The following MOB1B variants were observed in gnomAD, a reference collection of about 807,000 sequenced individuals.
MOB1B encodes MOB kinase activator 1B, also known as MOB1 Mps One Binder homolog B.
MOB1B carries 19 observed loss-of-function variants against 24.4 expected under a neutral mutation model. That is an observed-to-expected ratio of 0.78 (90% CI 0.54 to 1.14). The LOEUF (loss-of-function observed/expected upper bound fraction) is 1.14. Ranked by LOEUF, MOB1B falls within the 50% of genes most tolerant of loss-of-function variation. The pLI is 0.00. For missense variants in MOB1B, 243 were observed against 259.6 expected, an observed-to-expected ratio of 0.94 and a Z score of 0.44; for synonymous variants, 76 against 82.1, an observed-to-expected ratio of 0.93 and a Z score of 0.40.
chr4:70,964,687 T>G (rs1184981550), intron 2 of MOB1B, among the ~76,000 whole-genome samples: 3 of 152,176 alleles, frequency 2.0e-5, no homozygotes, highest in Non-Finnish European at 4.4e-5. Flanking sequence ...CCCAGCACTT[T>G]GGGAGGCCAA....
chr4:70,976,774 ATC>A (rs71604569), intron 4 of MOB1B: 3,502 of 186,674 alleles, frequency 0.019, 137 homozygotes, highest in African/African-American at 0.061. Context: ...ATATATATAT[ATC>A]TCTCTCTCTC....
rs188793428 is a variant in MOB1B, at chr4:70,954,978, G to A, written c.15-3896G>A. 2.2e-4 allele frequency among the ~76,000 whole-genome samples: 33 copies of A among 151,686 alleles called. 1 individual carries two copies. Among genetic ancestry groups the A allele is most frequent in the African/African-American group, 7.8e-4 (32 of 41,290 alleles). The stretch of plus-strand genomic sequence containing the variant: ...TTTTTGTATTTTTAGTAGAGACGGG[G>A]TTTCACCATGTTGGCCAGGCTGGTC... On this transcript the variant is annotated intron_variant, in intron 1 of 5. Transcript: ENST00000309395.
At chr4:70,927,016 A>AAG (rs1736685587) in intron 1 of MOB1B, among the ~76,000 whole-genome samples, 1 of 150,636 alleles carries the variant, frequency 6.6e-6, no homozygotes. Flanking sequence ...AAAAAAAAAA[A>AAG]GAAATAAGAT....
At chr4:70,960,590 G>A (rs1738264427) in intron 2 of MOB1B, among the ~76,000 whole-genome samples, 2 of 152,082 alleles carry the variant, frequency 1.3e-5, no homozygotes, top group Admixed American at 1.3e-4. Flanking sequence ...GGATTTTATT[G>A]TGATGTCTTA....
At position 70,939,991 on chromosome 4, in the gene MOB1B, G is replaced by A. The variant is rs536214836; in HGVS notation, c.15-18883G>A. 1.1e-3 allele frequency among the ~76,000 whole-genome samples: 167 copies of A among 152,324 alleles called. 4 individuals carry two copies. In the South Asian group the frequency reaches 0.012, roughly 11 times the overall value. Reference sequence around the variant, plus strand: ...GTGTCTCCTCCGACTGCCCTAGCCCGTCTCTGCATCTTTCCGTTGGTTTAT... The same window carrying A: ...GTGTCTCCTCCGACTGCCCTAGCCCATCTCTGCATCTTTCCGTTGGTTTAT... On this transcript the variant is annotated intron_variant, in intron 1 of 5. Coordinates refer to ENST00000309395, the MANE Select transcript of MOB1B (RefSeq NM_173468.4).
At chr4:70,971,443 G>A (rs1450621492) in intron 3 of MOB1B, among the ~76,000 whole-genome samples, 1 of 151,264 alleles carries the variant, frequency 6.6e-6, no homozygotes, top group African/African-American at 2.4e-5. Context: ...TGAGGTTGCA[G>A]TGAGCTGAGA....
At chr4:70,930,535 A>G (rs1392338665) in intron 1 of MOB1B, among the ~76,000 whole-genome samples, 1 of 152,160 alleles carries the variant, frequency 6.6e-6, no homozygotes, top group Non-Finnish European at 1.5e-5. Flanking sequence ...CATGCTTGTT[A>G]TTTTTGAGTA....
Position 70,919,520 on chromosome 4 carries a change from A to C in MOB1B, c.14+16970A>C, listed in dbSNP as rs112251172. 7.5e-3 allele frequency among the ~76,000 whole-genome samples: 1,140 copies of C among 152,220 alleles called. 13 individuals are homozygous for C. Among genetic ancestry groups the C allele is most frequent in the African/African-American group, 0.027 (1,101 of 41,538 alleles). On this transcript the variant is annotated intron_variant, in intron 1 of 5. Coordinates refer to ENST00000309395, the MANE Select transcript of MOB1B (RefSeq NM_173468.4). ...TTTCTTTTTTTGTTGTTGTTTTGAG[A>C]TGGAGTCTTGCTCTGTTGCCCAGGC...
intron 1 of MOB1B, among the ~76,000 whole-genome samples, chr4:70,925,505 C>T (rs573882207): frequency 6.6e-6 from 1 of 152,254 alleles, no homozygotes; most frequent in East Asian, 1.9e-4. Context: ...GCTCTTGGTC[C>T]TCTGGTGACA....
chr4:70,937,525 T>A (rs1737133540), intron 1 of MOB1B, among the ~76,000 whole-genome samples: 1 of 152,022 alleles, frequency 6.6e-6, no homozygotes, highest in African/African-American at 2.4e-5. Context: ...TGTTTTTTTT[T>A]CTTTGAGATG....
intron 1 of MOB1B, among the ~76,000 whole-genome samples, chr4:70,916,421 T>C (rs1416933110): frequency 2.0e-5 from 3 of 152,216 alleles, no homozygotes; most frequent in Non-Finnish European, 4.4e-5. Context: ...AGAGAGACTA[T>C]TATTATGACT....
chr4:70,904,452 T>C (rs1376383246), intron 1 of MOB1B, among the ~76,000 whole-genome samples: 1 of 152,054 alleles, frequency 6.6e-6, no homozygotes, highest in African/African-American at 2.4e-5. Flanking sequence ...TGGGCTTGTG[T>C]CTAGTAAGCT....
intron 1 of MOB1B, among the ~76,000 whole-genome samples, chr4:70,940,164 G>A (rs768876112): frequency 2.6e-4 from 40 of 152,100 alleles, no homozygotes; most frequent in Non-Finnish European, 4.0e-4. Context: ...TTAGGGTCTC[G>A]GGGGTTTTTA....
Position 70,983,288 on chromosome 4 carries a change from G to A in MOB1B, c.*1231G>A, listed in dbSNP as rs980213025. 2.6e-5 allele frequency: 4 copies of A among 152,454 alleles called. No individual in the cohort carries two copies. The highest frequency in any genetic ancestry group is 2.6e-4 in the Admixed American group (4 of 15,258). The allele number at this position is 152,454 out of a possible 1,614,324, so 9.4% of individuals were successfully genotyped here. A position where few individuals can be genotyped will look rare whatever the true frequency, so the allele number is the denominator to read the frequency against. On this transcript the variant is annotated 3_prime_UTR_variant, in exon 6 of 6. Transcript: ENST00000309395. ...ACCTTCTTTGGTTATTATAGGTCCA[G>A]TTTGAAGCATTCTGACTTCTGGTTT...
intron 1 of MOB1B, among the ~76,000 whole-genome samples, chr4:70,919,939 A>G (rs1169969881): frequency 1.3e-5 from 2 of 152,232 alleles, no homozygotes; most frequent in Non-Finnish European, 2.9e-5. Context: ...GGCCTTACCT[A>G]GCTGGAAAGC....
intron 3 of MOB1B, among the ~76,000 whole-genome samples, chr4:70,972,699 T>C (rs4403018): frequency 0.19 from 29,287 of 152,140 alleles, 6,259 homozygotes; most frequent in African/African-American, 0.53. Context: ...ATAAACACGA[T>C]GAAAGAAAAG....
At chr4:70,966,252 A>G (rs2148897776) in intron 2 of MOB1B, among the ~76,000 whole-genome samples, 1 of 152,268 alleles carries the variant, frequency 6.6e-6, no homozygotes, top group Middle Eastern at 3.4e-3. Flanking sequence ...AGGTTAGTTT[A>G]GCATCTGAGG....
intron 1 of MOB1B, among the ~76,000 whole-genome samples, chr4:70,932,683 C>T (rs1200905341): frequency 6.6e-6 from 1 of 152,152 alleles, no homozygotes; most frequent in African/African-American, 2.4e-5. Flanking sequence ...TCCACTGCCC[C>T]ATGCTGCTTG....
intron 1 of MOB1B, among the ~76,000 whole-genome samples, chr4:70,922,288 G>A (rs893343510): frequency 3.9e-5 from 6 of 152,088 alleles, no homozygotes; most frequent in Non-Finnish European, 5.9e-5. Flanking sequence ...AATGAGCATC[G>A]AAAATAACTT....
Sources: gnomAD v4.1 joint callset for allele counts (sites outside exome capture counted in the v4.1 genomes callset) on GRCh38, gnomAD v4.1.1 for gene constraint, MANE v1.5 for transcripts, NCBI Gene and HGNC (gene_info 2026-07-23, HGNC 2026-07-21) for gene names.